CA5A: variants seen among roughly 807,000 people sequenced by gnomAD.
The protein encoded by CA5A is carbonic anhydrase 5A, mitochondrial.
Under a neutral mutation model 37.1 loss-of-function variants are expected in CA5A, and 28 were observed. The observed-to-expected ratio is 0.75, with a 90% CI of 0.56 to 1.03. The LOEUF (loss-of-function observed/expected upper bound fraction) is 1.03, where lower values mean the gene tolerates loss of function less well. CA5A is among the 50% of genes least tolerant of loss of function. The probability of loss-of-function intolerance (pLI) is 0.00; values close to 1 mark genes in which losing one functional copy is unlikely to be tolerated. For missense variants in CA5A, 444 were observed against 399.9 expected, an observed-to-expected ratio of 1.11 and a Z score of -0.94; for synonymous variants, 171 against 158.4, an observed-to-expected ratio of 1.08 and a Z score of -0.60.
chr16:87,893,019 G>A lies in CA5A; in HGVS notation c.619-1065C>T, dbSNP rs188132760. The A allele has an allele frequency of 1.8e-3, 2,213 of 1,236,486 alleles. 8 individuals carry two copies. Among genetic ancestry groups the A allele is most frequent in the Non-Finnish European group, 2.1e-3 (1,842 of 868,234 alleles). 76.6% of individuals were successfully genotyped at this position (1,236,486 alleles called of 1,614,324 possible). On this transcript the variant is annotated intron_variant, in intron 5 of 6. Coordinates refer to ENST00000649794, the MANE Select transcript of CA5A (RefSeq NM_001739.2). ...CCACATGCCTAAGCACCCGGAGATG[G>A]CAGACAAGAATGTGCCCAACCTTCA...
At chr16:87,936,211 A>C in intron 1 of CA5A, 98 bp downstream of exon 1, 2 of 761,554 alleles carry the variant, frequency 2.6e-6, no homozygotes, top group Non-Finnish European at 4.4e-6. Context: ...ATCTGAACCC[A>C]TCTGGCTCGG....
In CA5A at chr16:87,911,093, C is replaced by A. The variant is rs1347201119; in HGVS notation, c.341-6189G>T. ...GACAATACAATGTCAGGGTATTCTC[C>A]TTAATCAAAAAAAAAAAAAAAAAAA... On this transcript the variant is annotated intron_variant, in intron 2 of 6. Coordinates refer to ENST00000649794, the MANE Select transcript of CA5A (RefSeq NM_001739.2). The surrounding 1 kb of genome is among the most constrained non-coding windows in gnomAD (Gnocchi z 4.6). Among the ~76,000 whole-genome samples the A allele has an allele frequency of 1.6e-5, 2 of 125,864 alleles. No individual in the cohort carries two copies. The highest frequency in any genetic ancestry group is 7.3e-5 in the African/African-American group (2 of 27,542). The allele number at this position is 125,864 out of a possible 152,430, so 82.6% of individuals were successfully genotyped here.
chr16:87,912,066 C>A (rs2056059721), intron 2 of CA5A, among the ~76,000 whole-genome samples: 1 of 152,194 alleles, frequency 6.6e-6, no homozygotes, highest in Non-Finnish European at 1.5e-5. Context: ...CTTTGGGAGG[C>A]TGAGGCGGGC....
Position 87,922,120 on chromosome 16 carries a change from C to T in CA5A, c.340+4628G>A, listed in dbSNP as rs190347471. Among the ~76,000 whole-genome samples, 331 of 152,152 alleles carry T rather than the reference C, an allele frequency of 2.2e-3. 1 individual carries two copies. Among genetic ancestry groups the T allele is most frequent in the African/African-American group, 7.6e-3 (317 of 41,488 alleles). On this transcript the variant is annotated intron_variant, in intron 2 of 6. Transcript: ENST00000649794. ...CGGTGCTGGGGTTACAGGTGTGAGC[C>T]GCCGGGCCGACAGGAGTCTGTGCTC...
At chr16:87,898,266 G>T (rs534919495) in intron 5 of CA5A, among the ~76,000 whole-genome samples, 90 of 152,356 alleles carry the variant, frequency 5.9e-4, no homozygotes, top group African/African-American at 2.1e-3. Context: ...AAGCAGCCCA[G>T]AAGCTGCAGG....
chr16:87,924,688 G>C (rs2056278705), intron 2 of CA5A, among the ~76,000 whole-genome samples: 1 of 152,282 alleles, frequency 6.6e-6, no homozygotes, highest in African/African-American at 2.4e-5. Context: ...GACAGCAGGA[G>C]CTGGGGAAGC....
chr16:87,923,534 A>G (rs2144052488), intron 2 of CA5A: 6 of 984,936 alleles, frequency 6.1e-6, no homozygotes, highest in Non-Finnish European at 7.2e-6. Context: ...TCCTCCTTCT[A>G]GGAGTAGTAT....
chr16:87,931,341 A>AC (rs571101077), intron 1 of CA5A, among the ~76,000 whole-genome samples: 92 of 146,548 alleles, frequency 6.3e-4, no homozygotes, highest in African/African-American at 2.2e-3. Context: ...CGAACTCCTG[A>AC]CTTCGGGTGA....
chr16:87,885,933 C>T (rs1376386452), downstream of CA5A: 1 of 152,166 alleles, frequency 6.6e-6, no homozygotes, highest in African/African-American at 2.4e-5. Context: ...GCTCTTCAGA[C>T]CTTAAACAGT....
chr16:87,920,498 C>T (rs1408429330), intron 2 of CA5A, among the ~76,000 whole-genome samples: 3 of 151,400 alleles, frequency 2.0e-5, no homozygotes, highest in Admixed American at 6.6e-5. Context: ...TTAGTAGAGA[C>T]GGGGTTTCAC....
chr16:87,931,205 G>A (rs8060413), intron 1 of CA5A, among the ~76,000 whole-genome samples: 14,444 of 149,408 alleles, frequency 0.097, 1,008 homozygotes, highest in African/African-American at 0.18. Context: ...TCCGCCTCCC[G>A]GGTTCAAGTG....
intron 2 of CA5A, among the ~76,000 whole-genome samples, chr16:87,922,600 C>T (rs1597580022): frequency 5.3e-5 from 8 of 152,198 alleles, no homozygotes; most frequent in Admixed American, 5.2e-4. Context: ...GGGTGAGGGA[C>T]GGGCCTCCCG....
chr16:87,896,928 C>T (rs936309349), intron 5 of CA5A, among the ~76,000 whole-genome samples: 18 of 152,376 alleles, frequency 1.2e-4, no homozygotes, highest in Non-Finnish European at 1.9e-4. Flanking sequence ...GCGTGAGCCA[C>T]GCTCTGTTCC....
chr16:87,917,091 C>T (rs59497682), intron 2 of CA5A, among the ~76,000 whole-genome samples: 24,780 of 131,582 alleles, frequency 0.19, 2,368 homozygotes, highest in South Asian at 0.34. Context: ...GGTGACAGAG[C>T]GAGAGTCTGT....
intron 2 of CA5A, among the ~76,000 whole-genome samples, chr16:87,921,986 G>C (rs1488033703): frequency 2.0e-5 from 3 of 152,102 alleles, no homozygotes; most frequent in African/African-American, 7.2e-5. Flanking sequence ...TCCTGCCTCA[G>C]CCTCCCGAGT....
chr16:87,884,447 A>T (rs1286386675), downstream of CA5A: 1 of 151,940 alleles, frequency 6.6e-6, no homozygotes, highest in Non-Finnish European at 1.5e-5. Context: ...CATGCCTGTA[A>T]TCTCAGCTAA....
rs2056317328 is a variant in CA5A, at chr16:87,926,763, C to T, written c.325G>A (p.Ala109Thr). 8 of 1,613,380 alleles carry T rather than the reference C, an allele frequency of 5.0e-6. No individual in the cohort carries two copies. The highest frequency in any genetic ancestry group is 3.3e-4 in the Middle Eastern group (2 of 6,046). Residue 109 changes from alanine (A) to threonine (T), a missense_variant, in exon 2 of 7, where the codon GCC (alanine) becomes ACC (threonine). Ala to Thr is a moderately conservative substitution (Grantham distance 58). Coordinates refer to ENST00000649794, the MANE Select transcript of CA5A (RefSeq NM_001739.2). ...TGGCACTCACCTGATGCCTCGGTGG[C>T]ATCGTCAAATTCCACCTGGAAGAGG... ...GYLFQVEFDD[A>T]TEASGISGGP...
chr16:87,921,009 T>G (rs922043404), intron 2 of CA5A, among the ~76,000 whole-genome samples: 1 of 152,004 alleles, frequency 6.6e-6, no homozygotes, highest in Non-Finnish European at 1.5e-5. Flanking sequence ...GTCAGGCTGG[T>G]CTCGAACTCC....
At chr16:87,896,160 A>G (rs1197823786) in intron 5 of CA5A, among the ~76,000 whole-genome samples, 1 of 152,198 alleles carries the variant, frequency 6.6e-6, no homozygotes, top group East Asian at 1.9e-4. Context: ...GATATAAAAA[A>G]CTTGCCCAAA....
Sources: allele counts gnomAD v4.1 joint callset (sites outside exome capture counted in the v4.1 genomes callset), GRCh38; gene constraint gnomAD v4.1.1; non-coding constraint Gnocchi (gnomAD v3.1); transcripts MANE v1.5; gene names NCBI Gene and HGNC (gene_info 2026-07-23, HGNC 2026-07-21).